Variants in DCC observed in about 807,000 individuals in gnomAD.
DCC encodes the protein DCC netrin 1 receptor, also known as netrin receptor DCC.
Under a neutral mutation model 172.5 loss-of-function variants are expected in DCC, and 58 were observed. The observed-to-expected ratio is 0.34, with a 90% CI of 0.27 to 0.42. The LOEUF (loss-of-function observed/expected upper bound fraction) is 0.42, where lower values mean the gene tolerates loss of function less well. Among genes scored for constraint, DCC ranks in the 10% least tolerant of loss-of-function variants. DCC has a pLI of 1.00. For synonymous variants in DCC, 709 were observed against 644.5 expected, an observed-to-expected ratio of 1.10 and a Z score of -1.52; for missense variants, 1,740 against 1,791.0, an observed-to-expected ratio of 0.97 and a Z score of 0.51.
chr18:52,932,034 A>G (rs1290911332), intron 5 of DCC: 2 of 152,160 alleles, frequency 1.3e-5, no homozygotes, highest in Non-Finnish European at 2.9e-5. Context: ...CATAGAAAAC[A>G]AAGCCCGAAG....
intron 26 of DCC, among the ~76,000 whole-genome samples, chr18:53,495,967 T>C (rs1298873336): frequency 6.6e-6 from 1 of 152,108 alleles, no homozygotes; most frequent in African/African-American, 2.4e-5. Context: ...CAGGGACTTA[T>C]AGGTAAAAAC....
intron 12 of DCC, among the ~76,000 whole-genome samples, chr18:53,249,350 T>C (rs938274552): frequency 2.6e-5 from 4 of 152,060 alleles, no homozygotes; most frequent in Admixed American, 2.0e-4. Flanking sequence ...GGTACCATTC[T>C]AAGAGAAGTC....
intron 6 of DCC, 185 bp downstream of exon 6, chr18:53,063,644 A>G: frequency 1.8e-6 from 1 of 568,086 alleles, no homozygotes; most frequent in African/African-American, 1.9e-5. Flanking sequence ...AGAAAGAGTG[A>G]TCAAAGAATT....
At chr18:53,144,779 G>A (rs1598846092) in intron 7 of DCC, among the ~76,000 whole-genome samples, 2 of 152,018 alleles carry the variant, frequency 1.3e-5, no homozygotes, top group African/African-American at 2.4e-5. Flanking sequence ...GAGACTGTAC[G>A]TAACTGAACT....
chr18:53,123,921 A>T (rs950722456), intron 7 of DCC, among the ~76,000 whole-genome samples: 1 of 151,930 alleles, frequency 6.6e-6, no homozygotes, highest in Non-Finnish European at 1.5e-5. Context: ...TACTTTCTGG[A>T]TGATGGAATC....
intron 1 of DCC, among the ~76,000 whole-genome samples, chr18:52,558,039 T>C (rs1050895558): frequency 2.6e-5 from 4 of 152,192 alleles, no homozygotes; most frequent in African/African-American, 9.7e-5. Flanking sequence ...TGTGTTCTTA[T>C]GTTTTCCTTC....
chr18:52,913,643 A>G (rs1313963603), intron 3 of DCC, among the ~76,000 whole-genome samples: 1 of 152,144 alleles, frequency 6.6e-6, no homozygotes, highest in Non-Finnish European at 1.5e-5. Context: ...CTCCACGTAA[A>G]GGAATGAATA....
intron 1 of DCC, among the ~76,000 whole-genome samples, chr18:52,733,230 A>G (rs1240702772): frequency 6.6e-6 from 1 of 152,100 alleles, no homozygotes; most frequent in African/African-American, 2.4e-5. Context: ...ATTATTCTTC[A>G]TGGTCAAGAC....
In DCC at chr18:52,830,745, C is replaced by T. The variant is rs138071458; in HGVS notation, c.413-75299C>T. Among the ~76,000 whole-genome samples the T allele has an allele frequency of 3.9e-3, 587 of 152,214 alleles. 14 individuals carry two copies. The highest frequency in any genetic ancestry group is 0.027 in the Admixed American group (418 of 15,286). ...AATGCCCCCGTTGGGACCCAAGAAACCTCTTTTATCTACCTTCATAGACCT... is the reference window on the plus strand; with the variant it reads ...AATGCCCCCGTTGGGACCCAAGAAATCTCTTTTATCTACCTTCATAGACCT... On this transcript the variant is annotated intron_variant, in intron 2 of 28. Coordinates refer to ENST00000442544, the MANE Select transcript of DCC (RefSeq NM_005215.4).
At chr18:52,562,311 A>T (rs2033058096) in intron 1 of DCC, among the ~76,000 whole-genome samples, 1 of 152,182 alleles carries the variant, frequency 6.6e-6, no homozygotes, top group African/African-American at 2.4e-5. Context: ...TTCTCCTGAA[A>T]CGGTCTCTTG....
chr18:53,036,611 T>A (rs376800648), intron 5 of DCC, among the ~76,000 whole-genome samples: 59 of 152,158 alleles, frequency 3.9e-4, no homozygotes, highest in African/African-American at 1.3e-3. Flanking sequence ...TCAACATATA[T>A]CATAGGTTAC....
At chr18:53,470,465 A>G (rs1188225077) in intron 25 of DCC, among the ~76,000 whole-genome samples, 1 of 152,112 alleles carries the variant, frequency 6.6e-6, no homozygotes, top group East Asian at 1.9e-4. Context: ...CCAGCTTCTG[A>G]CCATTACCCA....
chr18:53,221,845 C>T (rs1361330520), intron 12 of DCC, among the ~76,000 whole-genome samples: 3 of 152,150 alleles, frequency 2.0e-5, no homozygotes. Flanking sequence ...TGCCTCACTT[C>T]CCATTATTGT....
chr18:53,175,683 C>A (rs1255059115), intron 8 of DCC, among the ~76,000 whole-genome samples: 1 of 152,000 alleles, frequency 6.6e-6, no homozygotes, highest in Non-Finnish European at 1.5e-5. Flanking sequence ...AAAGAGGATA[C>A]AAACAAATGG....
At chr18:53,245,292 C>T (rs569956135) in intron 12 of DCC, among the ~76,000 whole-genome samples, 20 of 152,028 alleles carry the variant, frequency 1.3e-4, no homozygotes, top group East Asian at 1.9e-4. Context: ...AATCTAAGTC[C>T]GATAAAATAA....
At chr18:52,794,192 G>T (rs1451948820) in intron 2 of DCC, among the ~76,000 whole-genome samples, 1 of 151,928 alleles carries the variant, frequency 6.6e-6, no homozygotes, top group African/African-American at 2.4e-5. Context: ...GAACGTCGTT[G>T]GTATTTTGAT....
At chr18:53,086,872 A>G (rs2042920924) in intron 7 of DCC, among the ~76,000 whole-genome samples, 2 of 149,654 alleles carry the variant, frequency 1.3e-5, no homozygotes, top group Admixed American at 6.7e-5. Flanking sequence ...TGTTCTTGCA[A>G]TAGTTTACTG....
chr18:52,459,848 A>G (rs1988574036), intron 1 of DCC, among the ~76,000 whole-genome samples: 1 of 151,654 alleles, frequency 6.6e-6, no homozygotes, highest in Non-Finnish European at 1.5e-5. Context: ...TGCAAAAGAC[A>G]TGATCTCATT....
intron 8 of DCC, among the ~76,000 whole-genome samples, chr18:53,176,761 G>T (rs1023754481): frequency 6.6e-6 from 1 of 151,588 alleles, no homozygotes; most frequent in Non-Finnish European, 1.5e-5. Flanking sequence ...CATTGTGGAA[G>T]TCAGTGTGGC....
Sources: allele counts gnomAD v4.1 joint callset (sites outside exome capture counted in the v4.1 genomes callset), GRCh38; gene constraint gnomAD v4.1.1; transcripts MANE v1.5; gene names NCBI Gene and HGNC (gene_info 2026-07-23, HGNC 2026-07-21).